The following SLC13A2 variants were observed in gnomAD, a reference collection of about 807,000 sequenced individuals.
SLC13A2 encodes the protein Na(+)-coupled citrate transporter.
A neutral mutation model predicts 58.5 loss-of-function variants in SLC13A2; 40 were observed. That is an observed-to-expected ratio of 0.68 (90% CI 0.53 to 0.89). The LOEUF (loss-of-function observed/expected upper bound fraction) is 0.89, where lower values mean the gene tolerates loss of function less well. Ranked by LOEUF, SLC13A2 falls within the 40% of genes least tolerant of loss-of-function variation. The pLI, the probability that SLC13A2 is intolerant of heterozygous loss-of-function variation, is 0.00. For missense variants in SLC13A2, 694 were observed against 772.6 expected (o/e 0.90, Z 1.21); for synonymous variants, 341 against 331.6 (o/e 1.03, Z -0.31).
intron 1 of SLC13A2, among the ~76,000 whole-genome samples, chr17:28,479,641 G>A (rs1393600560): frequency 2.0e-5 from 3 of 152,248 alleles, no homozygotes; most frequent in Non-Finnish European, 2.9e-5. Context: ...TGCATTTATT[G>A]TAAGGCCAGA....
At chr17:28,481,786 C>T (rs140470280) in intron 1 of SLC13A2, among the ~76,000 whole-genome samples, 1 of 152,160 alleles carries the variant, frequency 6.6e-6, no homozygotes, top group Non-Finnish European at 1.5e-5. Flanking sequence ...TGGCATCTGC[C>T]TATTCTTCCT....
chr17:28,475,951 G>A (rs2068663280), intron 1 of SLC13A2, among the ~76,000 whole-genome samples: 1 of 152,016 alleles, frequency 6.6e-6, no homozygotes, highest in African/African-American at 2.4e-5. Flanking sequence ...ACTCTAAACT[G>A]GTATTATCCA....
rs781815137 is a variant in SLC13A2 at position 28,491,818 on chromosome 17, T to C, written c.844T>C (p.Trp282Arg). ...PTMVILLLLA[W>R]LWLQILFLGF... ...CATGGTCATCTTGCTGCTGCTGGCC[T>C]GGTTGTGGCTGCAGATCCTCTTCCT... Residue 282 changes from tryptophan to arginine, a missense_variant, in exon 6 of 12, where the codon TGG becomes CGG. Coordinates refer to ENST00000314669, the MANE Select transcript of SLC13A2 (RefSeq NM_003984.4). 1.9e-5 allele frequency: 30 copies of C among 1,614,030 alleles called. No individual in the cohort carries two copies. The highest frequency in any genetic ancestry group is 2.5e-5 in the Non-Finnish European group (30 of 1,180,006).
chr17:28,480,652 C>A (rs1328130092), intron 1 of SLC13A2, among the ~76,000 whole-genome samples: 1 of 152,212 alleles, frequency 6.6e-6, no homozygotes, highest in Non-Finnish European at 1.5e-5. Flanking sequence ...AGATAGCACA[C>A]ATATACGTAG....
In SLC13A2 at chr17:28,491,858, T is replaced by C. The variant is rs1374254922; in HGVS notation, c.878+6T>C. ...ATCCTCTTCCTGGGCTTCAAGTAAG[T>C]GGCAAAGTTGGTGAGAGAAGCCCAG... On this transcript the variant is annotated splice_donor_region_variant and intron_variant, in intron 6 of 11. Transcript: ENST00000314669. 3 of 1,613,500 alleles carry C rather than the reference T, an allele frequency of 1.9e-6. No individual in the cohort carries two copies. Among genetic ancestry groups the C allele is most frequent in the African/African-American group, 1.3e-5 (1 of 74,860 alleles).
At position 28,496,890 on chromosome 17, in the gene SLC13A2, A is replaced by G. The variant is rs1555604739; in HGVS notation, c.1609-209A>G. On this transcript the variant is annotated intron_variant, in intron 11 of 11. Coordinates refer to ENST00000314669, the MANE Select transcript of SLC13A2 (RefSeq NM_003984.4). The surrounding 1 kb of genome is among the most constrained non-coding windows in gnomAD (Gnocchi z 4.2). Reference sequence around the variant, plus strand: ...GAGAGAACAAGCCCAGGGCCCTGGAAGCTCAGGAGGAGCGCCCCTTTCCCC... The same window carrying G: ...GAGAGAACAAGCCCAGGGCCCTGGAGGCTCAGGAGGAGCGCCCCTTTCCCC... Among the ~76,000 whole-genome samples the G allele has an allele frequency of 6.6e-6, 1 of 152,174 alleles. No homozygotes were observed. The highest frequency in any genetic ancestry group is 2.4e-5 in the African/African-American group (1 of 41,454).
Position 28,496,494 on chromosome 17 carries a change from C to A in SLC13A2, c.1515C>A (p.Cys505Ter). The A allele has an allele frequency of 6.2e-7, 1 of 1,613,486 alleles. No homozygotes were observed. Among genetic ancestry groups the A allele is most frequent in the South Asian group, 1.1e-5 (1 of 90,980 alleles). The change falls in exon 11 of 12, where the codon TGC becomes TGA. Residue 505 changes from cysteine (C) to a stop codon, truncating the protein, a stop_gained. Transcript: ENST00000314669. LOFTEE classifies it high-confidence loss of function. This position sits in a 1 kb window ranked among gnomAD's most constrained non-coding sequence, Gnocchi z 4.2. ...ACCCTCTCTACGTCATGCTCCCCTG[C>A]ACTCTGGCCACCTCCCTGGCCTTCA... The part of the protein sequence containing the change: ...CLHPLYVMLP[C>*]TLATSLAFML...
intron 1 of SLC13A2, among the ~76,000 whole-genome samples, chr17:28,485,534 T>C (rs1555601830): frequency 6.6e-6 from 1 of 152,182 alleles, no homozygotes; most frequent in Admixed American, 6.5e-5. Context: ...CCTAGGGCTC[T>C]GCCCTCAGGG....
At chr17:28,487,659 A>G in intron 1 of SLC13A2, 1 of 792,834 alleles carries the variant, frequency 1.3e-6, no homozygotes, top group Non-Finnish European at 1.5e-6. Context: ...GTCCAAGGGG[A>G]GGGTAACTGG....
At position 28,477,401 on chromosome 17, in the gene SLC13A2, A is replaced by G. The variant is rs371040278; in HGVS notation, c.102+3587A>G. 2.8e-3 allele frequency among the ~76,000 whole-genome samples: 418 copies of G among 151,738 alleles called. 4 individuals are homozygous for G. The highest frequency in any genetic ancestry group is 7.9e-3 in the African/African-American group (329 of 41,470). On this transcript the variant is annotated intron_variant, in intron 1 of 11. Transcript: ENST00000314669. The stretch of plus-strand genomic sequence containing the variant: ...AGTAGAGACGGGGTTTCACCGTGTT[A>G]GCCAGGATGGTCTTGATCTCCTGAC...
At position 28,494,182 on chromosome 17, in the gene SLC13A2, A is replaced by T. The variant is rs965972904; in HGVS notation, c.1186+77A>T. ...AAGTATGTAATGTACCTTCCACCAC[A>T]CTTGGCAGGAGTAGGCAAAGCCCAG... On this transcript the variant is annotated intron_variant, in intron 8 of 11. Coordinates refer to ENST00000314669, the MANE Select transcript of SLC13A2 (RefSeq NM_003984.4). This position sits in a 1 kb window ranked among gnomAD's most constrained non-coding sequence, Gnocchi z 4.0. The T allele has an allele frequency of 6.7e-7, 1 of 1,498,418 alleles. No homozygotes were observed. Among genetic ancestry groups the T allele is most frequent in the South Asian group, 1.1e-5 (1 of 87,544 alleles). 92.8% of individuals were successfully genotyped at this position (1,498,418 alleles called of 1,614,324 possible). A position where few individuals can be genotyped will look rare whatever the true frequency, so the allele number is the denominator to read the frequency against.
In SLC13A2 at chr17:28,493,787, G is replaced by C. The variant is rs782643331; in HGVS notation, c.1095G>C (p.Glu365Asp). The C allele has an allele frequency of 1.2e-6, 2 of 1,614,028 alleles. No individual in the cohort carries two copies. Among genetic ancestry groups the C allele is most frequent in the African/African-American group, 2.7e-5 (2 of 74,930 alleles). The change falls in exon 7 of 12, where the codon GAG becomes GAC. Residue 365 changes from glutamate to aspartate, a missense_variant and splice_region_variant. Transcript: ENST00000314669. ...TGGCTTTTCCCAATGCCAAGGGGGAGAGGTGAGAGTTGCAGGGGTTGGGAG... is the reference window on the plus strand; with the variant it reads ...TGGCTTTTCCCAATGCCAAGGGGGACAGGTGAGAGTTGCAGGGGTTGGGAG... ...GNLAFPNAKG[E>D]SMVSDGTVAI...
In SLC13A2 at chr17:28,497,033, C is replaced by T. The variant is rs2069157955; in HGVS notation, c.1609-66C>T. ...AGGAGGGCTCCTGTGCACCCCCAAA[C>T]ACCTGGGGACTTGGGGGCAGTCCAG... On this transcript the variant is annotated intron_variant, in intron 11 of 11. Transcript: ENST00000314669. The T allele has an allele frequency of 4.5e-5, 69 of 1,541,508 alleles. 1 individual carries two copies. The South Asian group carries it at 8.0e-4, about 18-fold the overall frequency.
rs758833285 is a variant in SLC13A2, at chr17:28,490,583, C to A, written c.361C>A (p.Pro121Thr). The change falls in exon 3 of 12, where the codon CCT becomes ACT. Residue 121 changes from proline (P) to threonine (T), a missense_variant. Pro to Thr is a conservative substitution (Grantham distance 38). Coordinates refer to ENST00000314669, the MANE Select transcript of SLC13A2 (RefSeq NM_003984.4). Reference sequence around the variant, plus strand: ...TGTCCTCCTCATCGTTGGGGTGCGGCCTGCCCCGTGAGTTCCTCCTGCAAA... The same window carrying A: ...TGTCCTCCTCATCGTTGGGGTGCGGACTGCCCCGTGAGTTCCTCCTGCAAA... Reference protein sequence around the residue: ...LRVLLIVGVRPAPLILGFMLV... With the variant: ...LRVLLIVGVRTAPLILGFMLV... 6.3e-7 allele frequency: 1 copy of A among 1,598,520 alleles called. No individual in the cohort carries two copies. Among genetic ancestry groups the A allele is most frequent in the Non-Finnish European group, 8.6e-7 (1 of 1,168,890 alleles).
chr17:28,482,668 C>T (rs759172119), intron 1 of SLC13A2, among the ~76,000 whole-genome samples: 2 of 152,204 alleles, frequency 1.3e-5, no homozygotes, highest in African/African-American at 4.8e-5. Flanking sequence ...CAGACAAATT[C>T]CTAGATCCTC....
At position 28,490,444 on chromosome 17, in the gene SLC13A2, C is replaced by T. The variant is rs1051973864; in HGVS notation, c.232-10C>T. 2 of 1,614,126 alleles carry T rather than the reference C, an allele frequency of 1.2e-6. No homozygotes were observed. Among genetic ancestry groups the T allele is most frequent in the Admixed American group, 1.7e-5 (1 of 60,016 alleles). On this transcript the variant is annotated splice_polypyrimidine_tract_variant and intron_variant, in intron 2 of 11. Transcript: ENST00000314669. ...TCTTCCCGCCGCTCAGCCATGTCTC[C>T]ACCTGCCAGGTTGCCGTCGAGTATC...
chr17:28,494,613 C>A lies in SLC13A2; in HGVS notation c.1308+101C>A, dbSNP rs183205381. ...GTCCCACAGAGGGGAGACCTGGTCC[C>A]CACGTAGGAGCCTCTCGGGTAGGCA... On this transcript the variant is annotated intron_variant, in intron 9 of 11. Transcript: ENST00000314669. This position sits in a 1 kb window ranked among gnomAD's most constrained non-coding sequence, Gnocchi z 4.0. 1 of 1,538,246 alleles carries A rather than the reference C, an allele frequency of 6.5e-7. No homozygotes were observed. The highest frequency in any genetic ancestry group is 1.2e-5 in the South Asian group (1 of 82,626).
rs552647494 is a variant in SLC13A2, at chr17:28,496,977, G to A, written c.1609-122G>A. ...TGGCTATGCTGCAGGTTAGACCAAC[G>A]GGAGGACTTCCCAGAGAGAATTTTG... On this transcript the variant is annotated intron_variant, in intron 11 of 11. Coordinates refer to ENST00000314669, the MANE Select transcript of SLC13A2 (RefSeq NM_003984.4). The surrounding 1 kb of genome is among the most constrained non-coding windows in gnomAD (Gnocchi z 4.2). 2.6e-5 allele frequency: 26 copies of A among 1,014,276 alleles called. No individual in the cohort carries two copies. Among genetic ancestry groups the A allele is most frequent in the Admixed American group, 2.5e-4 (12 of 47,476 alleles). The allele number at this position is 1,014,276 out of a possible 1,614,324, so 62.8% of individuals were successfully genotyped here.
chr17:28,477,075 G>A (rs574178251), intron 1 of SLC13A2, among the ~76,000 whole-genome samples: 7 of 151,720 alleles, frequency 4.6e-5, no homozygotes, highest in South Asian at 2.1e-4. Context: ...CAGGAGAAAC[G>A]CTTGAACCCA....
Sources: gnomAD v4.1 joint callset for allele counts (sites outside exome capture counted in the v4.1 genomes callset) on GRCh38, gnomAD v4.1.1 for gene constraint, Gnocchi (gnomAD v3.1) non-coding constraint, MANE v1.5 for transcripts, NCBI Gene and HGNC (gene_info 2026-07-23, HGNC 2026-07-21) for gene names.